ACADM: variants seen among roughly 807,000 people sequenced by gnomAD.
ACADM encodes the protein acyl-CoA dehydrogenase medium chain.
Under a neutral mutation model 58.9 loss-of-function variants are expected in ACADM, and 49 were observed. The observed-to-expected ratio is 0.83, with a 90% CI of 0.66 to 1.06. The LOEUF (loss-of-function observed/expected upper bound fraction) is 1.06. ACADM is among the 50% of genes least tolerant of loss of function. ACADM has a pLI of 0.00. For missense variants in ACADM, 496 were observed against 507.0 expected (o/e 0.98, Z 0.21); for synonymous variants, 160 against 157.7 (o/e 1.01, Z -0.11).
chr1:75,741,367 C>G (rs1647558942), intron 7 of ACADM, among the ~76,000 whole-genome samples: 1 of 152,046 alleles, frequency 6.6e-6, no homozygotes, highest in Non-Finnish European at 1.5e-5. Context: ...TACCTTTAAC[C>G]AATTCCTGGT....
intron 10 of ACADM, among the ~76,000 whole-genome samples, chr1:75,754,706 A>G (rs1648400942): frequency 6.6e-6 from 1 of 152,242 alleles, no homozygotes; most frequent in Non-Finnish European, 1.5e-5. Context: ...GTGACACAGA[A>G]GACGGGTGAT....
At chr1:75,757,525 A>C (rs1021420503) in intron 10 of ACADM, among the ~76,000 whole-genome samples, 4 of 152,236 alleles carry the variant, frequency 2.6e-5, no homozygotes, top group Admixed American at 1.3e-4. Context: ...CATATCATTT[A>C]GAATGGCAAT....
At position 75,763,434 on chromosome 1, in the gene ACADM, A is replaced by G. The variant is rs1648955637; in HGVS notation, c.*671A>G. On this transcript the variant is annotated 3_prime_UTR_variant, in exon 12 of 12. Coordinates refer to ENST00000370841, the MANE Select transcript of ACADM (RefSeq NM_000016.6). ...GGTAGCCTTTGGTCTATTGTACACA[A>G]TCTCATTTCATATGTTTGCATTTTG... The G allele has an allele frequency of 6.6e-6, 1 of 152,122 alleles. No individual in the cohort carries two copies. Among genetic ancestry groups the G allele is most frequent in the African/African-American group, 2.4e-5 (1 of 41,434 alleles). The allele number at this position is 152,122 out of a possible 1,614,324, so 9.4% of individuals were successfully genotyped here.
At position 75,763,648 on chromosome 1, in the gene ACADM, A is replaced by G. The variant is rs1648964007; in HGVS notation, c.*885A>G. 1.3e-5 allele frequency: 2 copies of G among 152,244 alleles called. No homozygotes were observed. The highest frequency in any genetic ancestry group is 4.1e-4 in the South Asian group (2 of 4,834). 9.4% of individuals were successfully genotyped at this position (152,244 alleles called of 1,614,324 possible). Reference sequence around the variant, plus strand: ...ATTAGATATTTTAAAGACTTCAGAAAATATAAATATGAAATAATTTAAGAA... The same window carrying G: ...ATTAGATATTTTAAAGACTTCAGAAGATATAAATATGAAATAATTTAAGAA... On this transcript the variant is annotated 3_prime_UTR_variant, in exon 12 of 12. Coordinates refer to ENST00000370841, the MANE Select transcript of ACADM (RefSeq NM_000016.6).
chr1:75,731,957 A>G (rs1482822747), intron 2 of ACADM, among the ~76,000 whole-genome samples: 2 of 152,148 alleles, frequency 1.3e-5, no homozygotes, highest in Non-Finnish European at 2.9e-5. Flanking sequence ...TTCTAGACCC[A>G]TTTGGGCAAC....
chr1:75,746,312 A>G (rs1013331320), intron 8 of ACADM, among the ~76,000 whole-genome samples: 1 of 152,212 alleles, frequency 6.6e-6, no homozygotes, highest in Non-Finnish European at 1.5e-5. Context: ...GATAAAAACA[A>G]TGTGACATAA....
intron 10 of ACADM, among the ~76,000 whole-genome samples, chr1:75,757,598 A>G (rs1387166318): frequency 6.6e-6 from 1 of 152,218 alleles, no homozygotes; most frequent in Non-Finnish European, 1.5e-5. Flanking sequence ...ATACTTTTAC[A>G]CTGTTGGTGG....
At chr1:75,744,028 A>G (rs1186719579) in intron 7 of ACADM, 1 of 1,579,678 alleles carries the variant, frequency 6.3e-7, no homozygotes, top group Non-Finnish European at 8.7e-7. Context: ...CTCATTAAAA[A>G]TTGTCAGCAT....
intron 10 of ACADM, among the ~76,000 whole-genome samples, chr1:75,756,638 A>G (rs1224999384): frequency 6.6e-6 from 1 of 152,232 alleles, no homozygotes; most frequent in Non-Finnish European, 1.5e-5. Flanking sequence ...CATATTGCCC[A>G]AGGTAATTTA....
chr1:75,758,764 A>G (rs908022441), intron 10 of ACADM, among the ~76,000 whole-genome samples: 34 of 152,206 alleles, frequency 2.2e-4, no homozygotes, highest in African/African-American at 8.0e-4. Context: ...CTCTGTGTCT[A>G]GCTAAAGGAT....
chr1:75,733,591 C>T lies in ACADM; in HGVS notation c.350C>T (p.Thr117Ile). The change falls in exon 5 of 12, where the codon ACA (threonine) becomes ATA (isoleucine). Residue 117 changes from threonine (T) to isoleucine (I), a missense_variant. Coordinates refer to ENST00000370841, the MANE Select transcript of ACADM (RefSeq NM_000016.6). ...AGTGAAGAATTGGCTTATGGATGTA[C>T]AGGGGTTCAGACTGCTATTGAAGGA... ...LISEELAYGCTGVQTAIEGNS... is the reference protein window; with the variant it reads ...LISEELAYGCIGVQTAIEGNS... The T allele has an allele frequency of 1.9e-6, 3 of 1,613,918 alleles. No homozygotes were observed. Among genetic ancestry groups the T allele is most frequent in the Non-Finnish European group, 2.5e-6 (3 of 1,179,996 alleles).
At chr1:75,754,212 T>G (rs962216619) in intron 10 of ACADM, among the ~76,000 whole-genome samples, 7 of 149,382 alleles carry the variant, frequency 4.7e-5, no homozygotes, top group Non-Finnish European at 8.9e-5. Flanking sequence ...GTTTTTTGTT[T>G]TTTTTTTTTT....
At chr1:75,730,132 T>C (rs1647125754) in intron 2 of ACADM, among the ~76,000 whole-genome samples, 1 of 152,144 alleles carries the variant, frequency 6.6e-6, no homozygotes, top group African/African-American at 2.4e-5. Context: ...TGGCCTCAAG[T>C]GATCCACCCG....
At chr1:75,733,397 G>A in intron 4 of ACADM, 131 bp from the exon 5 acceptor site, 1 of 1,019,378 alleles carries the variant, frequency 9.8e-7, no homozygotes, top group Non-Finnish European at 1.5e-6. Context: ...CAGAACACAT[G>A]TAGATATTAT....
chr1:75,728,300 T>G, intron 1 of ACADM, 101 bp from the exon 2 acceptor site: 1 of 862,588 alleles, frequency 1.2e-6, no homozygotes, highest in Non-Finnish European at 1.8e-6. Flanking sequence ...ACTATGAGTA[T>G]GGTCAAACCA....
intron 6 of ACADM, among the ~76,000 whole-genome samples, chr1:75,737,325 T>TATATATATGA (rs1647326708): frequency 9.7e-6 from 1 of 103,286 alleles, no homozygotes; most frequent in Non-Finnish European, 2.0e-5. Flanking sequence ...TATATATATA[T>TATATATATGA]ATGAAACCAA....
chr1:75,743,445 A>G, intron 7 of ACADM: 3 of 1,610,588 alleles, frequency 1.9e-6, no homozygotes, highest in South Asian at 1.1e-5. Flanking sequence ...GGACTCTGGG[A>G]TCCTCTACCG....
chr1:75,741,088 G>A (rs1647540450), intron 7 of ACADM, among the ~76,000 whole-genome samples: 2 of 152,120 alleles, frequency 1.3e-5, no homozygotes, highest in African/African-American at 2.4e-5. Context: ...AGTTGTCATG[G>A]GAAATACTGT....
Position 75,724,771 on chromosome 1 carries a change from C to T in ACADM, c.-17C>T. 1 of 1,527,024 alleles carries T rather than the reference C, an allele frequency of 6.5e-7. No homozygotes were observed. The highest frequency in any genetic ancestry group is 8.8e-7 in the Non-Finnish European group (1 of 1,135,976). 94.6% of individuals were successfully genotyped at this position (1,527,024 alleles called of 1,614,324 possible). ...GACCCGTGTATTATTGTCCGAGTGG[C>T]CGGAACGGGAGCCAACATGGCAGCG... On this transcript the variant is annotated 5_prime_UTR_variant, in exon 1 of 12. Transcript: ENST00000370841.
Sources: allele counts gnomAD v4.1 joint callset (sites outside exome capture counted in the v4.1 genomes callset), GRCh38; gene constraint gnomAD v4.1.1; transcripts MANE v1.5; gene names NCBI Gene and HGNC (gene_info 2026-07-23, HGNC 2026-07-21).